Variants in COL16A1 observed in about 807,000 individuals in gnomAD.
COL16A1 encodes the protein collagen alpha-1(XVI) chain.
Under a neutral mutation model 266.3 loss-of-function variants are expected in COL16A1, and 189 were observed. The observed-to-expected ratio is 0.71, with a 90% CI of 0.63 to 0.80. The LOEUF is 0.80. Ranked by LOEUF, COL16A1 falls within the 30% of genes least tolerant of loss-of-function variation. The pLI is 0.00. For synonymous variants in COL16A1, 740 were observed against 782.3 expected (o/e 0.95, Z 0.90); for missense variants, 1,928 against 2,122.4 (o/e 0.91, Z 1.80).
chr1:31,685,562 C>G lies in COL16A1; in HGVS notation c.2016+77G>C. 2 of 1,525,622 alleles carry G rather than the reference C, an allele frequency of 1.3e-6. No individual in the cohort carries two copies. The highest frequency in any genetic ancestry group is 1.8e-6 in the Non-Finnish European group (2 of 1,124,662). 94.5% of individuals were successfully genotyped at this position (1,525,622 alleles called of 1,614,324 possible). A position where few individuals can be genotyped will look rare whatever the true frequency, so the allele number is the denominator to read the frequency against. Reference sequence around the variant, plus strand: ...CCAACTGCCCAGGGAGTCAAGAGACCCAGGCAGGACCCCTCCCCTCTCCTT... The same window carrying G: ...CCAACTGCCCAGGGAGTCAAGAGACGCAGGCAGGACCCCTCCCCTCTCCTT... On this transcript the variant is annotated intron_variant, in intron 29 of 70. Coordinates refer to ENST00000373672, the MANE Select transcript of COL16A1 (RefSeq NM_001856.4). The surrounding 1 kb of genome is among the most constrained non-coding windows in gnomAD (Gnocchi z 4.0).
chr1:31,679,453 G>C (rs527843851), intron 42 of COL16A1, 179 bp downstream of exon 42: 503 of 1,603,876 alleles, frequency 3.1e-4, no homozygotes, highest in Non-Finnish European at 4.2e-4. Context: ...GCAGAGCCTG[G>C]CCTAGAGGCT....
Position 31,697,121 on chromosome 1 carries a change from A to G in COL16A1, c.739-33T>C. On this transcript the variant is annotated intron_variant, in intron 7 of 70. Coordinates refer to ENST00000373672, the MANE Select transcript of COL16A1 (RefSeq NM_001856.4). This position sits in a 1 kb window ranked among gnomAD's most constrained non-coding sequence, Gnocchi z 4.2. ...GTGGAAGAGCGGGGCTAGGGTCAGT[A>G]CAGGAGCAGACTCCTCCTAAGACCT... 1.2e-6 allele frequency: 2 copies of G among 1,613,696 alleles called. No homozygotes were observed. The highest frequency in any genetic ancestry group is 1.7e-6 in the Non-Finnish European group (2 of 1,179,740).
At chr1:31,693,863 A>G (rs1644382052) in intron 12 of COL16A1, among the ~76,000 whole-genome samples, 1 of 152,144 alleles carries the variant, frequency 6.6e-6, no homozygotes, top group Non-Finnish European at 1.5e-5. Flanking sequence ...GATAGCACCC[A>G]CCCTGCAGGC....
chr1:31,660,525 C>T (rs1199681275), intron 62 of COL16A1, 60 bp downstream of exon 62: 2 of 1,602,010 alleles, frequency 1.2e-6, no homozygotes, highest in East Asian at 2.2e-5. Context: ...TATGCACCAC[C>T]AACCACCCCG....
chr1:31,663,640 C>G lies in COL16A1; in HGVS notation c.3556-982G>C, dbSNP rs1641878356. 6.6e-6 allele frequency among the ~76,000 whole-genome samples: 1 copy of G among 152,156 alleles called. No homozygotes were observed. Among genetic ancestry groups the G allele is most frequent in the Non-Finnish European group, 1.5e-5 (1 of 68,038 alleles). Reference sequence around the variant, plus strand: ...GGGACTGAAGAGAGGGACTCTAGGACCCCCACCGTTGTCTTAGCCAGGGAA... The same window carrying G: ...GGGACTGAAGAGAGGGACTCTAGGAGCCCCACCGTTGTCTTAGCCAGGGAA... On this transcript the variant is annotated intron_variant, in intron 56 of 70. Transcript: ENST00000373672. The surrounding 1 kb of genome is among the most constrained non-coding windows in gnomAD (Gnocchi z 4.9).
Position 31,668,815 on chromosome 1 carries a change from T to C in COL16A1, c.3236A>G (p.Asp1079Gly), listed in dbSNP as rs868710485. 6.2e-7 allele frequency: 1 copy of C among 1,613,736 alleles called. No individual in the cohort carries two copies. The highest frequency in any genetic ancestry group is 1.3e-5 in the African/African-American group (1 of 74,898). The change falls in exon 50 of 71, where the codon GAC becomes GGC. Residue 1079 changes from aspartate to glycine, a missense_variant. This residue lies in a region of COL16A1 where 1,552 missense variants were observed against 1,637.2 expected (regional missense o/e 0.95). Coordinates refer to ENST00000373672, the MANE Select transcript of COL16A1 (RefSeq NM_001856.4). The surrounding 1 kb of genome is among the most constrained non-coding windows in gnomAD (Gnocchi z 5.8). The stretch of plus-strand genomic sequence containing the variant: ...GCTTCTTCTTACCGGCTCCCCCTTG[T>C]CTCCAGTCAGGCCCGTGAGACCTCG... ...GERGLTGLTG[D>G]KGEPGPPGQP...
chr1:31,695,587 AC>A (rs1644461353), intron 10 of COL16A1, among the ~76,000 whole-genome samples, 173 bp downstream of exon 10: 2 of 151,604 alleles, frequency 1.3e-5, no homozygotes, highest in Admixed American at 6.6e-5. Context: ...AGGGCTACCT[AC>A]CCCCCAACCC....
At position 31,681,011 on chromosome 1, in the gene COL16A1, C is replaced by T. The variant is rs1194251597; in HGVS notation, c.2583+12G>A. 4 of 1,613,718 alleles carry T rather than the reference C, an allele frequency of 2.5e-6. No homozygotes were observed. Among genetic ancestry groups the T allele is most frequent in the Non-Finnish European group, 3.4e-6 (4 of 1,179,788 alleles). On this transcript the variant is annotated intron_variant, in intron 38 of 70. Coordinates refer to ENST00000373672, the MANE Select transcript of COL16A1 (RefSeq NM_001856.4). ...GCCATGGCTTCCTGCTGCCCCAAGG[C>T]ACTGTACTCACTGGTGTTCCTCTGA...
intron 26 of COL16A1, among the ~76,000 whole-genome samples, chr1:31,687,683 T>G (rs1644059860): frequency 7.0e-6 from 1 of 142,824 alleles, no homozygotes; most frequent in Admixed American, 7.1e-5. Context: ...GGCTGGGCTT[T>G]GAGGGGCTGG....
chr1:31,661,063 C>T lies in COL16A1; in HGVS notation c.3825+3G>A. 6.4e-7 allele frequency: 1 copy of T among 1,562,392 alleles called. No individual in the cohort carries two copies. The highest frequency in any genetic ancestry group is 1.2e-5 in the South Asian group (1 of 84,832). On this transcript the variant is annotated splice_donor_region_variant and intron_variant, in intron 61 of 70. Coordinates refer to ENST00000373672, the MANE Select transcript of COL16A1 (RefSeq NM_001856.4). The stretch of plus-strand genomic sequence containing the variant: ...GGCAGCCATGTGGATCCCTGGCCCT[C>T]ACCTCTGCGCCAGGCCGGCCAGTGC...
At chr1:31,699,977 G>C (rs751196726) in intron 3 of COL16A1, 47 bp from the exon 4 acceptor site, 1 of 1,604,310 alleles carries the variant, frequency 6.2e-7, no homozygotes, top group South Asian at 1.1e-5. Flanking sequence ...CAGGTGGAGA[G>C]GGGTACAGAT....
intron 55 of COL16A1, 48 bp from the exon 56 acceptor site, chr1:31,665,282 G>GA: frequency 6.4e-7 from 1 of 1,574,340 alleles, no homozygotes; most frequent in South Asian, 1.2e-5. Context: ...GCTGGAGGGG[G>GA]AGCTCCCCTT....
intron 20 of COL16A1, 39 bp from the exon 21 acceptor site, chr1:31,690,612 C>T: frequency 6.2e-7 from 1 of 1,609,328 alleles, no homozygotes; most frequent in Non-Finnish European, 8.5e-7. Flanking sequence ...AGCCTTCTGG[C>T]CAATGCAATC....
intron 42 of COL16A1, among the ~76,000 whole-genome samples, chr1:31,677,380 C>T (rs866370172): frequency 6.6e-6 from 1 of 152,252 alleles, no homozygotes; most frequent in South Asian, 2.1e-4. Context: ...TGAGCCACCA[C>T]GCCTGGCCCG....
chr1:31,666,044 C>A lies in COL16A1; in HGVS notation c.3395G>T (p.Gly1132Val), dbSNP rs1319601565. Residue 1132 changes from glycine (G) to valine (V), a missense_variant, in exon 53 of 71, where the codon GGC becomes GTC. Physicochemically the swap from Gly to Val is moderately radical, Grantham distance 109. Transcript: ENST00000373672. ...ATGCCCTCCTTCACTCACCGCTGGG[C>A]CTGGGGGGCCTGGGAGGCCTTCAGA... ...PGSEGLPGPP[G>V]PAGPRGERGP... The A allele has an allele frequency of 6.2e-7, 1 of 1,613,322 alleles. No homozygotes were observed. Among genetic ancestry groups the A allele is most frequent in the Admixed American group, 1.7e-5 (1 of 59,752 alleles).
chr1:31,677,595 T>G (rs543058950), intron 42 of COL16A1, among the ~76,000 whole-genome samples: 4 of 152,340 alleles, frequency 2.6e-5, no homozygotes, highest in African/African-American at 9.6e-5. Flanking sequence ...TCAGGCATCT[T>G]TCTTAACCTC....
rs780498909 is a variant in COL16A1, at chr1:31,684,840, C to G, written c.2033G>C (p.Arg678Pro). The G allele has an allele frequency of 6.2e-7, 1 of 1,614,128 alleles. No homozygotes were observed. The highest frequency in any genetic ancestry group is 2.2e-5 in the East Asian group (1 of 44,888). ...TCTCACCTTCTGCCCCTTCAGTCCA[C>G]GCTCTCCAGCCTTGCCCTGAGGAGA... ...LPGKQGKAGE[R>P]GLKGQKGDAG... The change falls in exon 30 of 71, where the codon CGT becomes CCT. Residue 678 changes from arginine to proline, a missense_variant. This residue lies in a region of COL16A1 where 1,552 missense variants were observed against 1,637.2 expected (regional missense o/e 0.95). Coordinates refer to ENST00000373672, the MANE Select transcript of COL16A1 (RefSeq NM_001856.4).
Position 31,702,210 on chromosome 1 carries a change from CAG to C in COL16A1, c.-19_-18del. 6.2e-7 allele frequency: 1 copy of C among 1,613,996 alleles called. No homozygotes were observed. Among genetic ancestry groups the C allele is most frequent in the South Asian group, 1.1e-5 (1 of 91,048 alleles). On this transcript the variant is annotated 5_prime_UTR_variant, in exon 2 of 71. Transcript: ENST00000373672. Reference sequence around the variant, plus strand: ...TACCCACATCCCGGTCCAAAGAGGTCAGCTACAGCCACAGCACCTGAAAACCA... The same window carrying C: ...TACCCACATCCCGGTCCAAAGAGGTCCTACAGCCACAGCACCTGAAAACCA...
chr1:31,660,535 G>T, intron 62 of COL16A1, 50 bp downstream of exon 62: 1 of 1,603,544 alleles, frequency 6.2e-7, no homozygotes, highest in Non-Finnish European at 8.5e-7. Flanking sequence ...CAACCACCCC[G>T]CCAAAATGCT....
Sources: allele counts gnomAD v4.1 joint callset (sites outside exome capture counted in the v4.1 genomes callset), GRCh38; gene constraint gnomAD v4.1.1; regional missense constraint gnomAD v4.1.1; non-coding constraint Gnocchi (gnomAD v3.1); transcripts MANE v1.5; gene names NCBI Gene and HGNC (gene_info 2026-07-23, HGNC 2026-07-21).